RYR2: variants seen among roughly 807,000 people sequenced by gnomAD.
RYR2 encodes the protein cardiac muscle ryanodine receptor-calcium release channel.
In RYR2, 227 loss-of-function variants were observed where a neutral mutation model predicts 601.1. The ratio of observed to expected loss-of-function variants is 0.38; its 90% CI spans 0.34 to 0.42. The LOEUF is 0.42. RYR2 is among the 10% of genes least tolerant of loss of function. The pLI is 1.00. For missense variants in RYR2, 4,646 were observed against 6,156.5 expected (o/e 0.75, Z 8.21); for synonymous variants, 2,223 against 2,175.1 (o/e 1.02, Z -0.61).
In RYR2 at chr1:237,759,796, G is replaced by A. The variant is rs1693264807; in HGVS notation, c.11346G>A (p.Lys3782=). 6.2e-7 allele frequency: 1 copy of A among 1,612,640 alleles called. No homozygotes were observed. The highest frequency in any genetic ancestry group is 1.3e-5 in the African/African-American group (1 of 74,870). The change falls in exon 83 of 105, where the codon AAG becomes AAA. Residue 3782 remains lysine, a synonymous_variant. Transcript: ENST00000366574. The part of the protein sequence containing the change: ...TVQQKMLDYL[K]EKKDVGFFQS... ...CATAGAAAATGCTTGACTACCTCAA[G>A]GAGAAAAAGGATGTGGGCTTCTTTC...
At chr1:237,177,906 G>A (rs1256220052) in intron 1 of RYR2, among the ~76,000 whole-genome samples, 1 of 152,104 alleles carries the variant, frequency 6.6e-6, no homozygotes, top group Non-Finnish European at 1.5e-5. Flanking sequence ...AATTTCTTAT[G>A]TATGGAAAAT....
intron 95 of RYR2, among the ~76,000 whole-genome samples, chr1:237,794,252 A>G (rs952101164): frequency 6.6e-6 from 1 of 152,182 alleles, no homozygotes; most frequent in Non-Finnish European, 1.5e-5. Context: ...GGAACTTCAC[A>G]TCCATTACTC....
intron 97 of RYR2, among the ~76,000 whole-genome samples, chr1:237,799,696 G>A (rs1659722354): frequency 1.3e-5 from 2 of 152,104 alleles, no homozygotes; most frequent in African/African-American, 4.8e-5. Context: ...AAGATTATCC[G>A]ATTTCTATAT....
intron 17 of RYR2, among the ~76,000 whole-genome samples, chr1:237,473,459 T>TTCTTTCTTTCTTTCTA (rs1450110678): frequency 7.3e-6 from 1 of 136,570 alleles, no homozygotes; most frequent in African/African-American, 2.6e-5. Context: ...CTTTCTTTCT[T>TTCTTTCTTTCTTTCTA]TCTATCTATC....
Position 237,242,193 on chromosome 1 carries a change from G to GTTTTTTT in RYR2, c.49-28302_49-28296dup, listed in dbSNP as rs1389322285. Among the ~76,000 whole-genome samples, 435 of 50,072 alleles carry GTTTTTTT rather than the reference G, an allele frequency of 8.7e-3. 4 individuals carry two copies. Among genetic ancestry groups the GTTTTTTT allele is most frequent in the African/African-American group, 0.014 (415 of 28,856 alleles). 32.8% of individuals were successfully genotyped at this position (50,072 alleles called of 152,430 possible). ...ATGCCTAAACAGTATTTTGATCACTGTTTTTTTTGTTTGTTTGTTTGTTTG... is the reference window on the plus strand; with the variant it reads ...ATGCCTAAACAGTATTTTGATCACTGTTTTTTTTTTTTTTTGTTTGTTTGTTTGTTTG... On this transcript the variant is annotated intron_variant, in intron 1 of 104. Transcript: ENST00000366574.
chr1:237,127,869 C>T (rs138482850), intron 1 of RYR2, among the ~76,000 whole-genome samples: 74,794 of 149,186 alleles, frequency 0.5, 20,292 homozygotes, highest in Non-Finnish European at 0.6. Context: ...GGTGGGATGG[C>T]GGCCGGGCGG....
intron 1 of RYR2, among the ~76,000 whole-genome samples, chr1:237,165,587 G>T (rs1290902474): frequency 1.3e-5 from 2 of 152,078 alleles, no homozygotes; most frequent in African/African-American, 4.8e-5. Flanking sequence ...AGTGAGGCTG[G>T]GCATGGTGGC....
chr1:237,631,568 A>G (rs770338993), intron 42 of RYR2, 27 bp downstream of exon 42: 7 of 1,175,524 alleles, frequency 6.0e-6, no homozygotes, highest in Non-Finnish European at 8.4e-6. Context: ...CTGAGATGCT[A>G]TTTAGTATCA....
Position 237,711,755 on chromosome 1 carries a change from G to T in RYR2, c.10241G>T (p.Arg3414Ile). 6.4e-7 allele frequency: 1 copy of T among 1,571,680 alleles called. No homozygotes were observed. Among genetic ancestry groups the T allele is most frequent in the South Asian group, 1.1e-5 (1 of 87,542 alleles). Residue 3414 changes from arginine (R) to isoleucine (I), a missense_variant, in exon 71 of 105, where the codon AGA (arginine) becomes ATA (isoleucine). Around this residue, in one of 17 missense-constraint regions of RYR2, gnomAD observed 1,497 missense variants for 1,842.6 expected, o/e 0.81. Transcript: ENST00000366574. ...TTTGCAACTTCTCAGAATTTCAAAA[G>T]AGAAGAGCAGAACTTCGTTGTACAG... ...IYWSKSHNFK[R>I]EEQNFVVQNE...
chr1:237,102,950 C>T (rs1343882067), intron 1 of RYR2, among the ~76,000 whole-genome samples: 2 of 152,176 alleles, frequency 1.3e-5, no homozygotes, highest in African/African-American at 4.8e-5. Flanking sequence ...ACAGTTCAGT[C>T]GTGTTAAGTA....
At chr1:237,342,382 G>A (rs1386101194) in intron 3 of RYR2, among the ~76,000 whole-genome samples, 3 of 145,564 alleles carry the variant, frequency 2.1e-5, no homozygotes, top group Non-Finnish European at 3.0e-5. Flanking sequence ...TTGAACTCCT[G>A]ACCTTAAGTG....
intron 1 of RYR2, among the ~76,000 whole-genome samples, chr1:237,248,573 G>A (rs1311403184): frequency 6.6e-6 from 1 of 152,018 alleles, no homozygotes; most frequent in East Asian, 1.9e-4. Context: ...AGAAGAGGAT[G>A]TTTTAATGTA....
At chr1:237,766,728 C>CA (rs138356871) in intron 84 of RYR2, among the ~76,000 whole-genome samples, 141 of 152,222 alleles carry the variant, frequency 9.3e-4, no homozygotes, top group African/African-American at 3.3e-3. Flanking sequence ...CATTTGAAAG[C>CA]AAAGGGATTT....
intron 29 of RYR2, among the ~76,000 whole-genome samples, chr1:237,582,612 A>G (rs1458973476): frequency 2.0e-5 from 3 of 151,936 alleles, no homozygotes; most frequent in African/African-American, 7.3e-5. Flanking sequence ...TGTTTTTGCC[A>G]TCCATCTTTA....
rs1448241605 is a variant in RYR2, at chr1:237,706,962, A to G, written c.9594A>G (p.Pro3198=). The part of the protein sequence containing the change: ...SSRERAALSL[P]TNVEDVCPNI... ...GTACTTCTCCAGCTCTCAGTTTGCC[A>G]ACTAATGTGGAAGATGTTTGTCCAA... Residue 3198 remains proline, a synonymous_variant, in exon 68 of 105, where the codon CCA becomes CCG. Transcript: ENST00000366574. The G allele has an allele frequency of 1.2e-6, 2 of 1,611,962 alleles. No homozygotes were observed. The highest frequency in any genetic ancestry group is 8.5e-7 in the Non-Finnish European group (1 of 1,178,100).
chr1:237,474,181 A>G (rs1661102003), intron 17 of RYR2, among the ~76,000 whole-genome samples: 1 of 147,374 alleles, frequency 6.8e-6, no homozygotes, highest in Non-Finnish European at 1.5e-5. Flanking sequence ...ATACATAAAT[A>G]TGTATGTACG....
At chr1:237,490,020 G>A (rs1663149000) in intron 17 of RYR2, among the ~76,000 whole-genome samples, 1 of 152,164 alleles carries the variant, frequency 6.6e-6, no homozygotes, top group Admixed American at 6.5e-5. Context: ...TTGACATCAT[G>A]TCCTTTACAG....
chr1:237,562,238 T>G (rs1671530045), intron 27 of RYR2, among the ~76,000 whole-genome samples: 1 of 152,220 alleles, frequency 6.6e-6, no homozygotes, highest in Non-Finnish European at 1.5e-5. Flanking sequence ...AATCAAGATT[T>G]GAATTGTTTT....
At chr1:237,552,138 G>A (rs895490294) in intron 27 of RYR2, among the ~76,000 whole-genome samples, 1 of 152,152 alleles carries the variant, frequency 6.6e-6, no homozygotes, top group African/African-American at 2.4e-5. Context: ...CAACAGAGAT[G>A]TGGTACACGC....
Sources: gnomAD v4.1 joint callset for allele counts (sites outside exome capture counted in the v4.1 genomes callset) on GRCh38, gnomAD v4.1.1 for gene constraint, gnomAD v4.1.1 regional missense constraint, MANE v1.5 for transcripts, NCBI Gene and HGNC (gene_info 2026-07-23, HGNC 2026-07-21) for gene names.